SLC1A4: variants seen among roughly 807,000 people sequenced by gnomAD.
SLC1A4 encodes neutral amino acid transporter A.
Under a neutral mutation model 37.7 loss-of-function variants are expected in SLC1A4, and 19 were observed. That is an observed-to-expected ratio of 0.50 (90% CI 0.35 to 0.74). The LOEUF (loss-of-function observed/expected upper bound fraction) is 0.74, where lower values mean the gene tolerates loss of function less well. SLC1A4 is among the 30% of genes least tolerant of loss of function. The probability of loss-of-function intolerance (pLI) is 0.01; values close to 1 mark genes in which losing one functional copy is unlikely to be tolerated. For missense variants in SLC1A4, 570 were observed against 712.9 expected, an observed-to-expected ratio of 0.80 and a Z score of 2.28; for synonymous variants, 299 against 309.8, an observed-to-expected ratio of 0.97 and a Z score of 0.37.
At chr2:65,004,620 T>A (rs1305578275) in intron 3 of SLC1A4, among the ~76,000 whole-genome samples, 3 of 152,052 alleles carry the variant, frequency 2.0e-5, no homozygotes, top group Non-Finnish European at 4.4e-5. Flanking sequence ...TTCTGCCATC[T>A]AGAAATGTAA....
Position 64,989,543 on chromosome 2 carries a change from T to C in SLC1A4, c.-101T>C. On this transcript the variant is annotated 5_prime_UTR_variant, in exon 1 of 8. Coordinates refer to ENST00000234256, the MANE Select transcript of SLC1A4 (RefSeq NM_003038.5). ...ACCCCCGGGGCGGCTTCCCAGAACCTGCGGAGCACAACTGGCCGACCGACC... is the reference window on the plus strand; with the variant it reads ...ACCCCCGGGGCGGCTTCCCAGAACCCGCGGAGCACAACTGGCCGACCGACC... 1 of 1,155,132 alleles carries C rather than the reference T, an allele frequency of 8.7e-7. No individual in the cohort carries two copies. The highest frequency in any genetic ancestry group is 1.1e-6 in the Non-Finnish European group (1 of 886,890). The allele number at this position is 1,155,132 out of a possible 1,614,324, so 71.6% of individuals were successfully genotyped here. A position where few individuals can be genotyped will look rare whatever the true frequency, so the allele number is the denominator to read the frequency against.
chr2:65,004,458 T>TTTA (rs1558519598), intron 3 of SLC1A4, among the ~76,000 whole-genome samples: 10 of 148,726 alleles, frequency 6.7e-5, no homozygotes, highest in African/African-American at 1.0e-4. Flanking sequence ...TTATTTATTT[T>TTTA]TTATGTTTTG....
intron 3 of SLC1A4, among the ~76,000 whole-genome samples, chr2:65,010,392 T>C (rs1338235490): frequency 2.0e-5 from 3 of 152,254 alleles, no homozygotes; most frequent in African/African-American, 7.2e-5. Context: ...AAGAAATTTT[T>C]GCTTGTTGGC....
At chr2:65,017,976 G>A (rs1463751089) in intron 5 of SLC1A4, 95 bp from the exon 6 acceptor site, 1 of 991,710 alleles carries the variant, frequency 1.0e-6, no homozygotes, top group African/African-American at 1.6e-5. Flanking sequence ...AACGAAGATG[G>A]TGCTAATTGC....
chr2:65,008,501 C>A (rs1673775606), intron 3 of SLC1A4, among the ~76,000 whole-genome samples: 1 of 152,230 alleles, frequency 6.6e-6, no homozygotes, highest in Non-Finnish European at 1.5e-5. Flanking sequence ...CCTAGCCTGG[C>A]ATGGTGGCAC....
intron 7 of SLC1A4, among the ~76,000 whole-genome samples, chr2:65,019,442 G>A (rs1674318839): frequency 6.6e-6 from 1 of 152,124 alleles, no homozygotes; most frequent in South Asian, 2.1e-4. Context: ...AATGATCATA[G>A]CACCCACACC....
At chr2:65,005,922 G>C (rs1200391904) in intron 3 of SLC1A4, among the ~76,000 whole-genome samples, 1 of 152,054 alleles carries the variant, frequency 6.6e-6, no homozygotes, top group Non-Finnish European at 1.5e-5. Flanking sequence ...AGGATTGCTT[G>C]ACCCTGGGAG....
chr2:64,990,354 C>G (rs987258364), intron 1 of SLC1A4, among the ~76,000 whole-genome samples, 184 bp downstream of exon 1: 1 of 152,184 alleles, frequency 6.6e-6, no homozygotes, highest in African/African-American at 2.4e-5. Context: ...CACACCTTTG[C>G]AAACAGCTGG....
At chr2:65,009,305 G>A (rs1441325764) in intron 3 of SLC1A4, among the ~76,000 whole-genome samples, 1 of 151,972 alleles carries the variant, frequency 6.6e-6, no homozygotes, top group Non-Finnish European at 1.5e-5. Flanking sequence ...CCCAGGAGGT[G>A]GAGGTTGTGG....
chr2:65,020,837 G>A lies in SLC1A4; in HGVS notation c.1365-75G>A, dbSNP rs1239209935. On this transcript the variant is annotated intron_variant, in intron 7 of 7. Coordinates refer to ENST00000234256, the MANE Select transcript of SLC1A4 (RefSeq NM_003038.5). Reference sequence around the variant, plus strand: ...CCCCTCACAATCATGACTTTCCTTCGGCATCCAGGCTGCCTGTGACAGGAC... The same window carrying A: ...CCCCTCACAATCATGACTTTCCTTCAGCATCCAGGCTGCCTGTGACAGGAC... 1.9e-5 allele frequency: 23 copies of A among 1,228,892 alleles called. No individual in the cohort carries two copies. The Admixed American group carries it at 3.3e-4, about 18-fold the overall frequency. The allele number at this position is 1,228,892 out of a possible 1,614,324, so 76.1% of individuals were successfully genotyped here. A position where few individuals can be genotyped will look rare whatever the true frequency, so the allele number is the denominator to read the frequency against.
intron 4 of SLC1A4, among the ~76,000 whole-genome samples, chr2:65,013,389 A>G (rs1459165697): frequency 6.6e-6 from 1 of 151,742 alleles, no homozygotes; most frequent in African/African-American, 2.4e-5. Flanking sequence ...CGTCCAGCTA[A>G]TTTTGTATTT....
chr2:64,996,933 G>A (rs1167696809), intron 1 of SLC1A4, among the ~76,000 whole-genome samples: 2 of 152,194 alleles, frequency 1.3e-5, no homozygotes, highest in Non-Finnish European at 2.9e-5. Flanking sequence ...TTGCCAGAGA[G>A]GCAGCTGATC....
intron 2 of SLC1A4, among the ~76,000 whole-genome samples, chr2:65,002,280 A>AAAATAAATAAATAAATAAATAAAT (rs139658708): frequency 0.12 from 17,140 of 144,052 alleles, 1,214 homozygotes; most frequent in Admixed American, 0.18. Context: ...ACTCTATCTC[A>AAAATAAATAAATAAATAAATAAAT]AAATAAATAA....
In SLC1A4 at chr2:65,023,133, T is replaced by C. The variant is rs1674492962; in HGVS notation, c.*1987T>C. On this transcript the variant is annotated 3_prime_UTR_variant, in exon 8 of 8. Coordinates refer to ENST00000234256, the MANE Select transcript of SLC1A4 (RefSeq NM_003038.5). ...GGACCAGGAACCGTGCAAAGGAAAC[T>C]GGAAACTTTTCCCCGCTGGGTAGAG... The C allele has an allele frequency of 6.6e-6, 1 of 152,220 alleles. No homozygotes were observed. The highest frequency in any genetic ancestry group is 1.5e-5 in the Non-Finnish European group (1 of 68,046). The allele number at this position is 152,220 out of a possible 1,614,324, so 9.4% of individuals were successfully genotyped here.
Position 65,016,682 on chromosome 2 carries a change from G to A in SLC1A4, c.1034+9G>A. On this transcript the variant is annotated intron_variant, in intron 5 of 7. Coordinates refer to ENST00000234256, the MANE Select transcript of SLC1A4 (RefSeq NM_003038.5). ...TTTGCTACCTGCTCCAGGTGAGTGG[G>A]TTTTGGGTCTCTTCACTGCTCTGAG... 2.5e-6 allele frequency: 4 copies of A among 1,594,110 alleles called. No homozygotes were observed. Among genetic ancestry groups the A allele is most frequent in the Non-Finnish European group, 3.4e-6 (4 of 1,161,774 alleles).
chr2:65,016,656 ATTTG>A lies in SLC1A4; in HGVS notation c.1018_1021del (p.Phe340LeufsTer12). The A allele has an allele frequency of 6.2e-7, 1 of 1,613,894 alleles. No homozygotes were observed. Among genetic ancestry groups the A allele is most frequent in the Non-Finnish European group, 8.5e-7 (1 of 1,179,752 alleles). On this transcript the variant is annotated frameshift_variant, in exon 5 of 8. Coordinates refer to ENST00000234256, the MANE Select transcript of SLC1A4 (RefSeq NM_003038.5). LOFTEE classifies it high-confidence loss of function. ...GCCTCCTCGCCCCATTTGCGACAGC[ATTTG>A]CTACCTGCTCCAGGTGAGTGGGTTT...
Position 65,018,731 on chromosome 2 carries a change from G to T in SLC1A4, c.1364+52G>T. 6.2e-7 allele frequency: 1 copy of T among 1,605,336 alleles called. No individual in the cohort carries two copies. On this transcript the variant is annotated intron_variant, in intron 7 of 7. Transcript: ENST00000234256. The surrounding 1 kb of genome is among the most constrained non-coding windows in gnomAD (Gnocchi z 4.3). Reference sequence around the variant, plus strand: ...AAAAGAGTCTGCACTGAGTTCCCTAGGAGCTTAGCACTGCTGGGCCTGGGC... The same window carrying T: ...AAAAGAGTCTGCACTGAGTTCCCTATGAGCTTAGCACTGCTGGGCCTGGGC...
At chr2:64,991,094 G>A (rs1017751598) in intron 1 of SLC1A4, among the ~76,000 whole-genome samples, 1 of 152,154 alleles carries the variant, frequency 6.6e-6, no homozygotes. Flanking sequence ...GATTTCTGAT[G>A]ATTTTGGATT....
intron 3 of SLC1A4, among the ~76,000 whole-genome samples, chr2:65,008,920 C>G (rs1202594400): frequency 6.6e-6 from 1 of 152,174 alleles, no homozygotes; most frequent in African/African-American, 2.4e-5. Context: ...AGTAACTTAC[C>G]TAGACTCCCA....
Sources: allele counts gnomAD v4.1 joint callset (sites outside exome capture counted in the v4.1 genomes callset), GRCh38; gene constraint gnomAD v4.1.1; non-coding constraint Gnocchi (gnomAD v3.1); transcripts MANE v1.5; gene names NCBI Gene and HGNC (gene_info 2026-07-23, HGNC 2026-07-21).